The following AR variants were observed in gnomAD, a reference collection of about 807,000 sequenced individuals.
AR encodes dihydrotestosterone receptor.
In AR, 8 loss-of-function variants were observed where a neutral mutation model predicts 53.9. The ratio of observed to expected loss-of-function variants is 0.15; its 90% CI spans 0.09 to 0.27. AR has a LOEUF of 0.27. AR is among the 10% of genes least tolerant of loss of function. The probability of loss-of-function intolerance (pLI) is 1.00; values close to 1 mark genes in which losing one functional copy is unlikely to be tolerated. For synonymous variants in AR, 359 were observed against 316.4 expected, an observed-to-expected ratio of 1.13 and a Z score of -1.43; for missense variants, 639 against 742.5, an observed-to-expected ratio of 0.86 and a Z score of 1.62.
At chrX:67,689,945 C>T (rs764466567) in intron 3 of AR, among the ~76,000 whole-genome samples, 3 of 111,815 alleles carry the variant, frequency 2.7e-5, no homozygotes, top group Non-Finnish European at 5.6e-5. Flanking sequence ...GCCATCTTCT[C>T]CCCTGACCCT....
intron 2 of AR, among the ~76,000 whole-genome samples, chrX:67,643,966 G>A (rs570234820): frequency 1.8e-5 from 2 of 112,057 alleles, no homozygotes; most frequent in African/African-American, 6.5e-5. Context: ...AGGTAGGTAA[G>A]AACTCAGAGT....
chrX:67,627,007 C>T (rs1924702003), intron 1 of AR, among the ~76,000 whole-genome samples: 1 of 106,444 alleles, frequency 9.4e-6, no homozygotes, highest in Non-Finnish European at 1.9e-5. Context: ...ATATGTGCCA[C>T]ATTTTCTTAA....
intron 1 of AR, among the ~76,000 whole-genome samples, chrX:67,620,273 T>C (rs767892892): frequency 1.8e-5 from 2 of 109,917 alleles, no homozygotes; most frequent in South Asian, 3.9e-4. Flanking sequence ...GTTTTTTTTT[T>C]CCCCAGGGTT....
chrX:67,706,556 T>C (rs2147519130), intron 3 of AR, among the ~76,000 whole-genome samples: 1 of 111,484 alleles, frequency 9.0e-6, no homozygotes, highest in Admixed American at 9.5e-5. Context: ...TTATTAGTCT[T>C]GCCAGCAGTC....
In AR at chrX:67,724,747, C is replaced by T. The variant is rs1030902250; in HGVS notation, c.*906C>T. On this transcript the variant is annotated 3_prime_UTR_variant, in exon 8 of 8. Coordinates refer to ENST00000374690, the MANE Select transcript of AR (RefSeq NM_000044.6). ...AACCCTTTTCTCTCTCACTCTCTGC[C>T]TCCAACTTCAGATTGACTTTCAATA... 21 of 174,057 alleles carry T rather than the reference C, an allele frequency of 1.2e-4. No individual in the cohort carries two copies. The highest frequency in any genetic ancestry group is 4.7e-4 in the African/African-American group (16 of 33,800). The allele number at this position is 174,057 out of a possible 1,213,427, so 14.3% of individuals were successfully genotyped here. A position where few individuals can be genotyped will look rare whatever the true frequency, so the allele number is the denominator to read the frequency against.
chrX:67,600,093 C>A (rs1272144833), intron 1 of AR, among the ~76,000 whole-genome samples: 1 of 110,969 alleles, frequency 9.0e-6, no homozygotes, highest in African/African-American at 3.3e-5. Flanking sequence ...TTTATATGTG[C>A]ATAGAAAAAG....
intron 1 of AR, among the ~76,000 whole-genome samples, chrX:67,639,928 C>A (rs1925655605): frequency 9.0e-6 from 1 of 111,358 alleles, no homozygotes; most frequent in African/African-American, 3.3e-5. Context: ...CAGTTTTTGA[C>A]CATTCAGTAT....
chrX:67,629,540 T>G (rs1924934676), intron 1 of AR, among the ~76,000 whole-genome samples: 1 of 109,192 alleles, frequency 9.2e-6, no homozygotes, highest in African/African-American at 3.3e-5. Context: ...TTTTCTTTAT[T>G]AGTCTTGCTA....
intron 1 of AR, among the ~76,000 whole-genome samples, chrX:67,640,958 C>T (rs1925730640): frequency 9.0e-6 from 1 of 111,046 alleles, no homozygotes; most frequent in Non-Finnish European, 1.9e-5. Flanking sequence ...TATTTCCAGT[C>T]CTTCTTCTCT....
At chrX:67,594,121 C>T (rs1256878159) in intron 1 of AR, among the ~76,000 whole-genome samples, 1 of 111,989 alleles carries the variant, frequency 8.9e-6, no homozygotes, top group Non-Finnish European at 1.9e-5. Context: ...ACTTTCCCAG[C>T]TAACTGGGAC....
At chrX:67,686,464 C>T (rs928559402) in intron 3 of AR, among the ~76,000 whole-genome samples, 2 of 111,472 alleles carry the variant, frequency 1.8e-5, no homozygotes, top group Non-Finnish European at 3.8e-5. Context: ...TCAGTGGTAG[C>T]TAGGATGAGA....
chrX:67,562,444 C>T (rs760301288), intron 1 of AR, among the ~76,000 whole-genome samples: 1 of 108,530 alleles, frequency 9.2e-6, no homozygotes, highest in South Asian at 4.0e-4. Flanking sequence ...CTTCAAAATT[C>T]AGATTTCCAC....
At chrX:67,687,115 A>T (rs1351787437) in intron 3 of AR, among the ~76,000 whole-genome samples, 1 of 111,954 alleles carries the variant, frequency 8.9e-6, no homozygotes, top group African/African-American at 3.2e-5. Context: ...ATTCATTATT[A>T]GCCTGGAAAA....
chrX:67,628,537 C>G (rs1425289736), intron 1 of AR, among the ~76,000 whole-genome samples: 1 of 108,508 alleles, frequency 9.2e-6, no homozygotes, highest in South Asian at 4.2e-4. Flanking sequence ...AGATTTTGGG[C>G]TGAGACAACG....
At chrX:67,659,750 G>A (rs141128751) in intron 2 of AR, among the ~76,000 whole-genome samples, 9,235 of 111,167 alleles carry the variant, frequency 0.083, 304 homozygotes, top group African/African-American at 0.12. Flanking sequence ...GGATGGCTGG[G>A]TCAAATGGTA....
intron 3 of AR, among the ~76,000 whole-genome samples, chrX:67,697,564 G>A (rs746683166): frequency 9.0e-6 from 1 of 111,510 alleles, no homozygotes; most frequent in Admixed American, 9.6e-5. Context: ...ACCACCATAA[G>A]CAGTCTTTCA....
In AR at chrX:67,725,696, C is replaced by T. The variant is rs2076154868; in HGVS notation, c.*1855C>T. 5.7e-6 allele frequency: 1 copy of T among 175,881 alleles called. No homozygotes were observed. Among genetic ancestry groups the T allele is most frequent in the Non-Finnish European group, 1.1e-5 (1 of 91,778 alleles). The allele number at this position is 175,881 out of a possible 1,213,427, so 14.5% of individuals were successfully genotyped here. A position where few individuals can be genotyped will look rare whatever the true frequency, so the allele number is the denominator to read the frequency against. On this transcript the variant is annotated 3_prime_UTR_variant, in exon 8 of 8. Coordinates refer to ENST00000374690, the MANE Select transcript of AR (RefSeq NM_000044.6). ...TCTGGGCTCTGACATTGCCCATACT[C>T]ACTCAGATTCCCCACCTTTGTTGCT...
At chrX:67,707,797 T>C (rs1307851937) in intron 3 of AR, among the ~76,000 whole-genome samples, 1 of 111,921 alleles carries the variant, frequency 8.9e-6, no homozygotes, top group Non-Finnish European at 1.9e-5. Context: ...TTCCTTTCCA[T>C]GTTTAGTGCT....
chrX:67,545,864 T>G lies in AR; in HGVS notation c.718T>G (p.Cys240Gly), dbSNP rs2147318042. 1 of 1,211,814 alleles carries G rather than the reference T, an allele frequency of 8.3e-7. No homozygotes were observed. Among genetic ancestry groups the G allele is most frequent in the Non-Finnish European group, 1.1e-6 (1 of 895,521 alleles). Reference sequence around the variant, plus strand: ...CATTTCTGACAACGCCAAGGAGTTGTGTAAGGCAGTGTCGGTGTCCATGGG... The same window carrying G: ...CATTTCTGACAACGCCAAGGAGTTGGGTAAGGCAGTGTCGGTGTCCATGGG... ...STISDNAKEL[C>G]KAVSVSMGLG... is the part of the protein sequence containing the mutation. Residue 240 changes from cysteine (C) to glycine (G), a missense_variant, in exon 1 of 8, where the codon TGT (cysteine) becomes GGT (glycine). Coordinates refer to ENST00000374690, the MANE Select transcript of AR (RefSeq NM_000044.6).
Sources: gnomAD v4.1 joint callset for allele counts (sites outside exome capture counted in the v4.1 genomes callset) on GRCh38, gnomAD v4.1.1 for gene constraint, MANE v1.5 for transcripts, NCBI Gene and HGNC (gene_info 2026-07-23, HGNC 2026-07-21) for gene names.